THSD7A: variants seen among roughly 807,000 people sequenced by gnomAD.
The protein encoded by THSD7A is thrombospondin type 1 domain containing 7A.
In THSD7A, 96 loss-of-function variants were observed where a neutral mutation model predicts 231.3. The observed-to-expected ratio is 0.41, with a 90% CI of 0.35 to 0.49. THSD7A has a LOEUF of 0.49. THSD7A is among the 20% of genes least tolerant of loss of function. THSD7A has a pLI of 0.05. For synonymous variants in THSD7A, 940 were observed against 743.3 expected (o/e 1.26, Z -4.30); for missense variants, 2,290 against 2,070.2 (o/e 1.11, Z -2.06).
chr7:11,523,639 A>G (rs953744309), intron 6 of THSD7A, among the ~76,000 whole-genome samples: 6 of 152,106 alleles, frequency 3.9e-5, no homozygotes, highest in Non-Finnish European at 8.8e-5. Flanking sequence ...ACTAAATAGT[A>G]AAGTAAATGA....
chr7:11,574,743 A>C (rs1236256238), intron 4 of THSD7A, among the ~76,000 whole-genome samples: 1 of 152,034 alleles, frequency 6.6e-6, no homozygotes, highest in Non-Finnish European at 1.5e-5. Flanking sequence ...GCCAACAAAA[A>C]CATTATCATA....
chr7:11,477,116 G>T (rs1786223238), intron 7 of THSD7A, among the ~76,000 whole-genome samples: 1 of 152,104 alleles, frequency 6.6e-6, no homozygotes, highest in Non-Finnish European at 1.5e-5. Context: ...ATTCAAGTTT[G>T]CCAACTGTCC....
intron 4 of THSD7A, among the ~76,000 whole-genome samples, chr7:11,559,924 G>A (rs528597200): frequency 6.6e-6 from 1 of 152,056 alleles, no homozygotes; most frequent in African/African-American, 2.4e-5. Flanking sequence ...CATACTTCTA[G>A]GTATATCCCA....
At chr7:11,792,382 T>A (rs1175477234) in intron 1 of THSD7A, among the ~76,000 whole-genome samples, 1 of 151,996 alleles carries the variant, frequency 6.6e-6, no homozygotes, top group Non-Finnish European at 1.5e-5. Flanking sequence ...GCAAACTGCT[T>A]TTCATGGTAC....
chr7:11,504,800 T>C (rs1787476601), intron 6 of THSD7A, among the ~76,000 whole-genome samples: 1 of 151,936 alleles, frequency 6.6e-6, no homozygotes. Flanking sequence ...CATTTTCTTC[T>C]GGATGGTTTA....
chr7:11,743,949 G>T (rs183131338), intron 1 of THSD7A, among the ~76,000 whole-genome samples: 1 of 151,814 alleles, frequency 6.6e-6, no homozygotes, highest in Non-Finnish European at 1.5e-5. Context: ...CACTTACCAC[G>T]TTCTTCCCAA....
chr7:11,470,834 A>G (rs1160124222), intron 8 of THSD7A, among the ~76,000 whole-genome samples: 2 of 151,886 alleles, frequency 1.3e-5, no homozygotes, highest in Admixed American at 1.3e-4. Flanking sequence ...ATTTATTGGG[A>G]ACACAACAGA....
At chr7:11,403,386 C>A (rs1281659259) in intron 22 of THSD7A, among the ~76,000 whole-genome samples, 4 of 151,934 alleles carry the variant, frequency 2.6e-5, no homozygotes, top group South Asian at 2.1e-4. Flanking sequence ...AATTGGTACT[C>A]CTGAAGTACA....
chr7:11,580,067 T>C (rs1412627450), intron 4 of THSD7A, among the ~76,000 whole-genome samples: 1 of 152,112 alleles, frequency 6.6e-6, no homozygotes. Context: ...TAAAATAACA[T>C]TTAGGGTTCT....
At chr7:11,622,131 C>T (rs1781329941) in intron 2 of THSD7A, among the ~76,000 whole-genome samples, 1 of 151,924 alleles carries the variant, frequency 6.6e-6, no homozygotes, top group South Asian at 2.1e-4. Context: ...AAACATTTAT[C>T]TTTTTAATAT....
Position 11,636,869 on chromosome 7 carries a change from G to A in THSD7A, c.283C>T (p.Leu95=), listed in dbSNP as rs754216846. 3.1e-6 allele frequency: 5 copies of A among 1,613,936 alleles called. No homozygotes were observed. The Admixed American group carries it at 6.7e-5, about 22-fold the overall frequency. Residue 95 remains leucine (L), a synonymous_variant, in exon 2 of 28, where the codon CTG becomes TTG. Coordinates refer to ENST00000423059, the MANE Select transcript of THSD7A (RefSeq NM_015204.3). The surrounding 1 kb of genome is among the most constrained non-coding windows in gnomAD (Gnocchi z 10.0). The part of the protein sequence containing the change: ...WCAHVEGWTT[L]HTNCKQAERP... ...TCGGCCTGCTTACAGTTAGTATGCAGTGTAGTCCATCCCTCCACATGAGCA... is the reference window on the plus strand; with the variant it reads ...TCGGCCTGCTTACAGTTAGTATGCAATGTAGTCCATCCCTCCACATGAGCA...
intron 1 of THSD7A, among the ~76,000 whole-genome samples, chr7:11,694,320 G>A (rs1024708973): frequency 6.6e-6 from 1 of 151,554 alleles, no homozygotes; most frequent in Non-Finnish European, 1.5e-5. Context: ...CAGGCCACCA[G>A]AAGCCACAGT....
At chr7:11,681,928 A>C (rs1783886997) in intron 1 of THSD7A, among the ~76,000 whole-genome samples, 1 of 152,124 alleles carries the variant, frequency 6.6e-6, no homozygotes, top group African/African-American at 2.4e-5. Flanking sequence ...AAACCTTACA[A>C]GCCAGAAGCA....
chr7:11,484,610 C>A (rs1329046974), intron 6 of THSD7A, among the ~76,000 whole-genome samples: 1 of 152,122 alleles, frequency 6.6e-6, no homozygotes, highest in African/African-American at 2.4e-5. Context: ...TTGGTTGCTA[C>A]TTCATACTTA....
chr7:11,594,482 C>T (rs182850898), intron 2 of THSD7A, among the ~76,000 whole-genome samples: 4 of 152,230 alleles, frequency 2.6e-5, no homozygotes, highest in East Asian at 1.9e-4. Context: ...ATGGAGAACA[C>T]TCATAGTCCT....
rs574998250 is a variant in THSD7A at position 11,373,045 on chromosome 7, T to G, written c.*2749A>C. The G allele has an allele frequency of 1.4e-5, 2 of 145,962 alleles. No homozygotes were observed. The highest frequency in any genetic ancestry group is 4.2e-4 in the South Asian group (2 of 4,710). The allele number at this position is 145,962 out of a possible 1,614,324, so 9.0% of individuals were successfully genotyped here. A position where few individuals can be genotyped will look rare whatever the true frequency, so the allele number is the denominator to read the frequency against. ...GTCATGTTGAACCTAATTTCCTCTCTCTCATATATATGGGTGTGTGTGTGT... is the reference window on the plus strand; with the variant it reads ...GTCATGTTGAACCTAATTTCCTCTCGCTCATATATATGGGTGTGTGTGTGT... On this transcript the variant is annotated 3_prime_UTR_variant, in exon 28 of 28. Transcript: ENST00000423059.
chr7:11,606,662 C>CT (rs1780744459), intron 2 of THSD7A, among the ~76,000 whole-genome samples: 1 of 102,784 alleles, frequency 9.7e-6, no homozygotes. Flanking sequence ...TTTAATAATA[C>CT]TTTTTTATAT....
intron 7 of THSD7A, among the ~76,000 whole-genome samples, chr7:11,480,179 C>A (rs2128304336): frequency 6.6e-6 from 1 of 152,314 alleles, no homozygotes; most frequent in Non-Finnish European, 1.5e-5. Context: ...ATTATTGAAG[C>A]CCTACCCTTT....
intron 2 of THSD7A, among the ~76,000 whole-genome samples, chr7:11,603,639 C>G (rs1424446747): frequency 1.7e-4 from 26 of 151,540 alleles, no homozygotes; most frequent in African/African-American, 5.3e-4. Flanking sequence ...AAATGTCCAA[C>G]AATGATAGAC....
Sources: allele counts gnomAD v4.1 joint callset (sites outside exome capture counted in the v4.1 genomes callset), GRCh38; gene constraint gnomAD v4.1.1; non-coding constraint Gnocchi (gnomAD v3.1); transcripts MANE v1.5; gene names NCBI Gene and HGNC (gene_info 2026-07-23, HGNC 2026-07-21).